MAGI1: variants seen among roughly 807,000 people sequenced by gnomAD.
MAGI1 encodes membrane-associated guanylate kinase, WW and PDZ domain-containing protein 1.
A neutral mutation model predicts 139.9 loss-of-function variants in MAGI1; 58 were observed. The observed-to-expected ratio is 0.41, with a 90% CI of 0.34 to 0.52. The LOEUF (loss-of-function observed/expected upper bound fraction) is 0.52. MAGI1 is among the 20% of genes least tolerant of loss of function. The pLI, the probability that MAGI1 is intolerant of heterozygous loss-of-function variation, is 0.12. For missense variants in MAGI1, 1,874 were observed against 1,901.6 expected, an observed-to-expected ratio of 0.99 and a Z score of 0.27; for synonymous variants, 812 against 737.9, an observed-to-expected ratio of 1.10 and a Z score of -1.63.
At chr3:65,798,300 T>C (rs1168179985) in intron 1 of MAGI1, among the ~76,000 whole-genome samples, 5 of 151,766 alleles carry the variant, frequency 3.3e-5, no homozygotes, top group African/African-American at 7.3e-5. Flanking sequence ...CGAGACTCCA[T>C]CTCAAAACAA....
intron 1 of MAGI1, among the ~76,000 whole-genome samples, chr3:65,626,552 G>A (rs1326981753): frequency 6.6e-6 from 1 of 152,086 alleles, no homozygotes; most frequent in Non-Finnish European, 1.5e-5. Context: ...TTGAACTCCT[G>A]GGTTCAAGCA....
chr3:65,530,895 G>A (rs2078684836), intron 2 of MAGI1, among the ~76,000 whole-genome samples: 1 of 147,138 alleles, frequency 6.8e-6, no homozygotes, highest in Non-Finnish European at 1.5e-5. Context: ...GAGGGGTGGG[G>A]TTTGGAGAAA....
intron 1 of MAGI1, chr3:65,720,141 T>C (rs1378264593): frequency 6.6e-6 from 1 of 152,188 alleles, no homozygotes; most frequent in Non-Finnish European, 1.5e-5. Context: ...TCTACAGTAG[T>C]GCCAGGCATA....
At chr3:65,941,525 T>C (rs1207335847) in intron 1 of MAGI1, among the ~76,000 whole-genome samples, 1 of 152,158 alleles carries the variant, frequency 6.6e-6, no homozygotes, top group Non-Finnish European at 1.5e-5. Flanking sequence ...CTCTACCCTG[T>C]AGATGCAGTA....
chr3:66,028,244 GTGAGCTGAGATCAAGAAAAGA>G (rs2068402449), intron 1 of MAGI1, among the ~76,000 whole-genome samples: 1 of 152,224 alleles, frequency 6.6e-6, no homozygotes, highest in Non-Finnish European at 1.5e-5. Context: ...GGGTGTTGCA[GTGAGCTGAGATCAAGAAAAGA>G]AAAGATCACA....
At chr3:65,696,537 T>G (rs746287915) in intron 1 of MAGI1, among the ~76,000 whole-genome samples, 3 of 152,076 alleles carry the variant, frequency 2.0e-5, no homozygotes, top group Non-Finnish European at 4.4e-5. Context: ...CACTTATAAT[T>G]AAAATAATTA....
chr3:66,033,656 C>G (rs1199234765), intron 1 of MAGI1, among the ~76,000 whole-genome samples: 3 of 152,176 alleles, frequency 2.0e-5, no homozygotes, highest in Admixed American at 6.5e-5. Context: ...CAATTTCCCT[C>G]ATTACAGTGA....
At chr3:65,775,502 CAAAAAAAAAA>C (rs9311958) in intron 1 of MAGI1, among the ~76,000 whole-genome samples, 10 of 36,594 alleles carry the variant, frequency 2.7e-4, no homozygotes, top group African/African-American at 1.1e-4. Flanking sequence ...CCCACTCTGC[CAAAAAAAAAA>C]AAAAAAAAAA....
At chr3:66,003,452 G>A (rs2107457697) in intron 1 of MAGI1, among the ~76,000 whole-genome samples, 1 of 152,114 alleles carries the variant, frequency 6.6e-6, no homozygotes, top group African/African-American at 2.4e-5. Context: ...TTAGGAGTTC[G>A]AGACCAGCCT....
rs369362315 is a variant in MAGI1 at position 66,033,277 on chromosome 3, G to A, written c.313+4719C>T. ...GAGCTCAAGTGATCCACCCACCTTG[G>A]CCTCCCAAGGTGCTGGGATTACAGG... is the stretch of plus-strand genomic sequence containing the variant. On this transcript the variant is annotated intron_variant, in intron 1 of 22. Coordinates refer to ENST00000402939, the MANE Select transcript of MAGI1 (RefSeq NM_001033057.2). Among the ~76,000 whole-genome samples, 20 of 152,216 alleles carry A rather than the reference G, an allele frequency of 1.3e-4. 1 individual carries two copies. In the East Asian group the frequency reaches 3.3e-3, roughly 25 times the overall value.
At chr3:65,659,211 G>A (rs1230241672) in intron 1 of MAGI1, among the ~76,000 whole-genome samples, 1 of 151,296 alleles carries the variant, frequency 6.6e-6, no homozygotes, top group Non-Finnish European at 1.5e-5. Context: ...TGTTTCTGGA[G>A]GAAAAAAAAA....
At chr3:65,496,645 T>G (rs1952478436) in intron 2 of MAGI1, among the ~76,000 whole-genome samples, 1 of 152,076 alleles carries the variant, frequency 6.6e-6, no homozygotes, top group Non-Finnish European at 1.5e-5. Flanking sequence ...ATGCTCTCCA[T>G]GCCACCCACC....
intron 1 of MAGI1, among the ~76,000 whole-genome samples, chr3:65,682,253 T>G (rs1306184221): frequency 6.6e-6 from 1 of 152,122 alleles, no homozygotes; most frequent in Non-Finnish European, 1.5e-5. Flanking sequence ...GCCCAGCCCT[T>G]GACTAGCAAA....
chr3:65,772,297 T>C (rs1023618055), intron 1 of MAGI1, among the ~76,000 whole-genome samples: 3 of 152,210 alleles, frequency 2.0e-5, no homozygotes. Context: ...ACAGAGACTT[T>C]ATGAACCTGT....
At chr3:65,998,178 T>A (rs891280135) in intron 1 of MAGI1, among the ~76,000 whole-genome samples, 1 of 151,504 alleles carries the variant, frequency 6.6e-6, no homozygotes, top group African/African-American at 2.4e-5. Context: ...CTCTCCCTCC[T>A]CCTCCCCCAG....
chr3:65,772,902 G>A (rs1301317439), intron 1 of MAGI1, among the ~76,000 whole-genome samples: 1 of 152,142 alleles, frequency 6.6e-6, no homozygotes, highest in Admixed American at 6.5e-5. Flanking sequence ...GGAAGCAATG[G>A]GAGGAGGCAA....
At position 65,622,121 on chromosome 3, in the gene MAGI1, T is replaced by C. The variant is rs769120860; in HGVS notation, c.314-33A>G. The C allele has an allele frequency of 4.9e-6, 7 of 1,424,950 alleles. No homozygotes were observed. The Admixed American group carries it at 1.2e-4, about 24-fold the overall frequency. The allele number at this position is 1,424,950 out of a possible 1,614,324, so 88.3% of individuals were successfully genotyped here. On this transcript the variant is annotated intron_variant, in intron 1 of 22. Coordinates refer to ENST00000402939, the MANE Select transcript of MAGI1 (RefSeq NM_001033057.2). ...AAATACATAAAATAGACATACCACA[T>C]CAACACAGGGCCTCCTAGAAAAGAA... is the stretch of plus-strand genomic sequence containing the variant.
intron 1 of MAGI1, among the ~76,000 whole-genome samples, chr3:65,900,614 A>G (rs2061185928): frequency 6.6e-6 from 1 of 152,226 alleles, no homozygotes; most frequent in Non-Finnish European, 1.5e-5. Context: ...GGGAGTTAGT[A>G]AGAGGCCCCA....
At chr3:65,739,966 G>A (rs2035114421) in intron 1 of MAGI1, among the ~76,000 whole-genome samples, 1 of 147,202 alleles carries the variant, frequency 6.8e-6, no homozygotes, top group Admixed American at 7.0e-5. Flanking sequence ...ATAGACTTGG[G>A]CAATGCAAAG....
Sources: gnomAD v4.1 joint callset for allele counts (sites outside exome capture counted in the v4.1 genomes callset) on GRCh38, gnomAD v4.1.1 for gene constraint, MANE v1.5 for transcripts, NCBI Gene and HGNC (gene_info 2026-07-23, HGNC 2026-07-21) for gene names.